Variants in CADPS2 observed in about 807,000 individuals in gnomAD.
The protein encoded by CADPS2 is calcium dependent secretion activator 2, also known as calcium-dependent secretion activator 2.
A neutral mutation model predicts 172.5 loss-of-function variants in CADPS2; 93 were observed. The observed-to-expected ratio is 0.54, with a 90% CI of 0.46 to 0.64. The LOEUF is 0.64. Ranked by LOEUF, CADPS2 falls within the 30% of genes least tolerant of loss-of-function variation. The probability of loss-of-function intolerance (pLI) is 0.00; values close to 1 mark genes in which losing one functional copy is unlikely to be tolerated. For synonymous variants in CADPS2, 546 were observed against 555.2 expected, an observed-to-expected ratio of 0.98 and a Z score of 0.23; for missense variants, 1,420 against 1,565.9, an observed-to-expected ratio of 0.91 and a Z score of 1.57.
chr7:122,829,338 A>T (rs1408260004), intron 1 of CADPS2, among the ~76,000 whole-genome samples: 1 of 152,236 alleles, frequency 6.6e-6, no homozygotes, highest in Non-Finnish European at 1.5e-5. Flanking sequence ...AGGATGAAGC[A>T]GAGAATCCAA....
chr7:122,578,093 CATAT>C (rs965712276), intron 7 of CADPS2, among the ~76,000 whole-genome samples: 5 of 149,660 alleles, frequency 3.3e-5, no homozygotes, highest in South Asian at 2.1e-4. Context: ...TATATATACA[CATAT>C]ATATACACAA....
At chr7:122,725,423 A>AG (rs1220330900) in intron 2 of CADPS2, among the ~76,000 whole-genome samples, 1 of 151,774 alleles carries the variant, frequency 6.6e-6, no homozygotes, top group African/African-American at 2.4e-5. Context: ...TGATTGATTT[A>AG]GGGGGTATAA....
In CADPS2 at chr7:122,590,314, AC is replaced by A. The variant is rs1300111164; in HGVS notation, c.1224-9025del. On this transcript the variant is annotated intron_variant, in intron 6 of 29. Coordinates refer to ENST00000449022, the MANE Select transcript of CADPS2 (RefSeq NM_017954.11). ...ACTGGAACAGAGAGCCCAGAAACCA[AC>A]CCTCACACATATGGTCAAATGTAAT... 2.6e-4 allele frequency among the ~76,000 whole-genome samples: 39 copies of A among 151,882 alleles called. No individual in the cohort carries two copies. The Admixed American group carries it at 2.6e-3, about 10-fold the overall frequency.
intron 9 of CADPS2, among the ~76,000 whole-genome samples, chr7:122,499,253 C>G (rs2130294150): frequency 6.6e-6 from 1 of 152,286 alleles, no homozygotes; most frequent in Non-Finnish European, 1.5e-5. Context: ...TATAAGATCT[C>G]TGTTCCAAAT....
intron 1 of CADPS2, among the ~76,000 whole-genome samples, chr7:122,845,223 AC>A (rs1811660758): frequency 6.6e-6 from 1 of 152,116 alleles, no homozygotes; most frequent in African/African-American, 2.4e-5. Flanking sequence ...AATTGCCCCC[AC>A]CCATCTTTGG....
chr7:122,544,025 T>C (rs1374325939), intron 8 of CADPS2, among the ~76,000 whole-genome samples: 1 of 152,176 alleles, frequency 6.6e-6, no homozygotes, highest in African/African-American at 2.4e-5. Flanking sequence ...TTTTGTATTA[T>C]CTTGTAAAGA....
intron 6 of CADPS2, among the ~76,000 whole-genome samples, chr7:122,588,907 C>G (rs1563788865): frequency 6.6e-6 from 1 of 151,942 alleles, no homozygotes; most frequent in Non-Finnish European, 1.5e-5. Flanking sequence ...GTGAGTTGAT[C>G]AGAAAGGCCT....
intron 15 of CADPS2, among the ~76,000 whole-genome samples, chr7:122,446,335 A>AAG (rs2052197621): frequency 6.6e-6 from 1 of 152,116 alleles, no homozygotes; most frequent in African/African-American, 2.4e-5. Context: ...TATTCCTTTA[A>AAG]ATATGCTTGA....
intron 28 of CADPS2, among the ~76,000 whole-genome samples, chr7:122,333,686 C>T (rs1307996808): frequency 6.6e-6 from 1 of 152,128 alleles, no homozygotes; most frequent in East Asian, 1.9e-4. Flanking sequence ...CTATTTTCTC[C>T]TCCTAGAACT....
intron 8 of CADPS2, among the ~76,000 whole-genome samples, chr7:122,549,706 A>G (rs1328807602): frequency 6.6e-6 from 1 of 152,058 alleles, no homozygotes. Context: ...AATCAGGATA[A>G]GCCAGGCTGG....
At chr7:122,363,074 T>C (rs1012495367) in intron 25 of CADPS2, among the ~76,000 whole-genome samples, 1 of 152,198 alleles carries the variant, frequency 6.6e-6, no homozygotes, top group Admixed American at 6.5e-5. Flanking sequence ...ATGTAGAAGT[T>C]AATTTAGCAC....
In CADPS2 at chr7:122,645,420, T is replaced by C. The variant is rs1000343031; in HGVS notation, c.787-16092A>G. ...ATATATGTACATATACACACATGTA[T>C]ATGTGTGTATATATGTATATATACA... On this transcript the variant is annotated intron_variant, in intron 3 of 29. Transcript: ENST00000449022. Among the ~76,000 whole-genome samples the C allele has an allele frequency of 3.1e-4, 19 of 61,514 alleles. 1 individual carries two copies. Among genetic ancestry groups the C allele is most frequent in the East Asian group, 1.2e-3 (4 of 3,300 alleles). 40.4% of individuals were successfully genotyped at this position (61,514 alleles called of 152,430 possible). A position where few individuals can be genotyped will look rare whatever the true frequency, so the allele number is the denominator to read the frequency against.
chr7:122,344,554 C>T (rs2037277170), intron 28 of CADPS2, among the ~76,000 whole-genome samples: 1 of 152,128 alleles, frequency 6.6e-6, no homozygotes, highest in Non-Finnish European at 1.5e-5. Flanking sequence ...TGTAATACTG[C>T]ATATTTTAGC....
chr7:122,432,142 G>C (rs2050018126), intron 17 of CADPS2, among the ~76,000 whole-genome samples: 1 of 152,086 alleles, frequency 6.6e-6, no homozygotes. Context: ...CAGTCTTGGA[G>C]GCATGGCAGC....
intron 28 of CADPS2, among the ~76,000 whole-genome samples, chr7:122,326,371 CT>C (rs2033871032): frequency 1.3e-5 from 2 of 151,980 alleles, no homozygotes; most frequent in South Asian, 4.2e-4. Flanking sequence ...TTTTCTGCTC[CT>C]ATATGTCTGT....
At chr7:122,724,452 A>G (rs541399809) in intron 2 of CADPS2, among the ~76,000 whole-genome samples, 48 of 152,192 alleles carry the variant, frequency 3.2e-4, no homozygotes, top group Admixed American at 2.9e-3. Flanking sequence ...TACACATGAT[A>G]ATATAAATTA....
chr7:122,339,338 T>C (rs1364271552), intron 28 of CADPS2, among the ~76,000 whole-genome samples: 1 of 152,216 alleles, frequency 6.6e-6, no homozygotes, highest in East Asian at 1.9e-4. Flanking sequence ...GTCACTCTTA[T>C]ATAACCAAGT....
chr7:122,361,592 C>T lies in CADPS2; in HGVS notation c.3388-579G>A, dbSNP rs188173754. Among the ~76,000 whole-genome samples the T allele has an allele frequency of 1.6e-4, 25 of 152,240 alleles. No individual in the cohort carries two copies. The East Asian group carries it at 2.3e-3, about 14-fold the overall frequency. On this transcript the variant is annotated intron_variant, in intron 25 of 29. Coordinates refer to ENST00000449022, the MANE Select transcript of CADPS2 (RefSeq NM_017954.11). ...GTGTCATAGGAATCTAGTCACTATA[C>T]ATATGAGACCACTGAAGCCATTCAT...
At chr7:122,506,395 G>A (rs570210003) in intron 9 of CADPS2, among the ~76,000 whole-genome samples, 2 of 152,302 alleles carry the variant, frequency 1.3e-5, no homozygotes, top group East Asian at 3.9e-4. Context: ...TCTGGGGACA[G>A]AATTAAATCA....
Sources: gnomAD v4.1 joint callset for allele counts (sites outside exome capture counted in the v4.1 genomes callset) on GRCh38, gnomAD v4.1.1 for gene constraint, MANE v1.5 for transcripts, NCBI Gene and HGNC (gene_info 2026-07-23, HGNC 2026-07-21) for gene names.